The following SUMF1 variants were observed in gnomAD, a reference collection of about 807,000 sequenced individuals.
SUMF1 encodes formylglycine-generating enzyme.
Under a neutral mutation model 47.6 loss-of-function variants are expected in SUMF1, and 48 were observed. The ratio of observed to expected loss-of-function variants is 1.01; its 90% confidence interval spans 0.80 to 1.28. The LOEUF is 1.28. Ranked by LOEUF, SUMF1 falls within the 50% of genes most tolerant of loss-of-function variation. The pLI is 0.00. For synonymous variants in SUMF1, 230 were observed against 192.1 expected, an observed-to-expected ratio of 1.20 and a Z score of -1.63; for missense variants, 571 against 485.4, an observed-to-expected ratio of 1.18 and a Z score of -1.66.
intron 8 of SUMF1, among the ~76,000 whole-genome samples, chr3:4,121,436 G>T (rs1200187701): frequency 1.3e-5 from 2 of 151,990 alleles, no homozygotes; most frequent in African/African-American, 4.8e-5. Flanking sequence ...TATGTTTTTA[G>T]CAAGGCTACC....
intron 8 of SUMF1, among the ~76,000 whole-genome samples, chr3:4,375,246 G>C (rs1700291619): frequency 6.6e-6 from 1 of 151,196 alleles, no homozygotes. Context: ...ACTTCAACCT[G>C]AATCACTGGA....
chr3:4,369,287 TAAAG>T (rs1457329626), intron 8 of SUMF1, among the ~76,000 whole-genome samples: 7 of 152,218 alleles, frequency 4.6e-5, no homozygotes, highest in Non-Finnish European at 1.0e-4. Flanking sequence ...AAGATGAATT[TAAAG>T]TGTGCTTGAA....
intron 1 of SUMF1, among the ~76,000 whole-genome samples, chr3:4,466,412 A>T (rs145846585): frequency 3.8e-4 from 58 of 152,278 alleles, no homozygotes; most frequent in African/African-American, 1.3e-3. Context: ...GCGCCCGGCC[A>T]GTAAGTTATT....
chr3:4,282,462 T>C (rs913039455), intron 8 of SUMF1, among the ~76,000 whole-genome samples: 5 of 152,202 alleles, frequency 3.3e-5, no homozygotes, highest in Non-Finnish European at 4.4e-5. Context: ...ACACATACCT[T>C]CTACAATTTC....
intron 3 of SUMF1, among the ~76,000 whole-genome samples, chr3:4,441,950 C>G (rs931075762): frequency 3.3e-5 from 5 of 152,154 alleles, no homozygotes; most frequent in Non-Finnish European, 7.3e-5. Context: ...ATCCATGTGA[C>G]AAAGTATCCT....
In SUMF1 at chr3:4,068,064, A is replaced by G. The variant is rs181603031; in HGVS notation, c.1191+505T>C. Among the ~76,000 whole-genome samples the G allele has an allele frequency of 3.0e-3, 459 of 152,304 alleles. 6 individuals are homozygous for G. The highest frequency in any genetic ancestry group is 0.014 in the Middle Eastern group (4 of 294). On this transcript the variant is annotated intron_variant and NMD_transcript_variant, in intron 9 of 12. Coordinates refer to the SUMF1 transcript ENST00000448413. Reference sequence around the variant, plus strand: ...TGTTCTTCCCTAGGCCATTAGCACCACATGGAGGAAGAGAAAGCCTCTGGG... The same window carrying G: ...TGTTCTTCCCTAGGCCATTAGCACCGCATGGAGGAAGAGAAAGCCTCTGGG...
chr3:4,141,712 C>T (rs79205252), intron 8 of SUMF1, among the ~76,000 whole-genome samples: 9,233 of 152,142 alleles, frequency 0.061, 601 homozygotes, highest in African/African-American at 0.16. Context: ...ATAGCTATTG[C>T]ACTTTTATGG....
At chr3:4,274,671 CT>C (rs1418220134) in intron 8 of SUMF1, among the ~76,000 whole-genome samples, 1 of 152,184 alleles carries the variant, frequency 6.6e-6, no homozygotes, top group African/African-American at 2.4e-5. Flanking sequence ...GAATATCCCA[CT>C]GTAAAACATC....
chr3:4,113,412 C>G (rs1693354175), intron 8 of SUMF1, among the ~76,000 whole-genome samples: 1 of 151,682 alleles, frequency 6.6e-6, no homozygotes, highest in Non-Finnish European at 1.5e-5. Context: ...ACCTGTAGTC[C>G]CAGCTATGTG....
chr3:4,341,243 A>C (rs971196819), intron 8 of SUMF1, among the ~76,000 whole-genome samples: 1 of 151,078 alleles, frequency 6.6e-6, no homozygotes, highest in African/African-American at 2.4e-5. Flanking sequence ...TTAAAAAAAA[A>C]GAAAAAGAAA....
intron 8 of SUMF1, among the ~76,000 whole-genome samples, chr3:4,249,659 A>C (rs13082951): frequency 0.36 from 54,925 of 151,962 alleles, 10,797 homozygotes; most frequent in Non-Finnish European, 0.45. Flanking sequence ...AATTATGCCA[A>C]CTAATAACCC....
At chr3:4,441,370 G>A (rs148982682) in intron 3 of SUMF1, among the ~76,000 whole-genome samples, 1 of 152,172 alleles carries the variant, frequency 6.6e-6, no homozygotes, top group African/African-American at 2.4e-5. Flanking sequence ...TCTACATTAT[G>A]GTGAGTTGTA....
chr3:4,215,603 C>T (rs1430652490), intron 8 of SUMF1, among the ~76,000 whole-genome samples: 8 of 152,096 alleles, frequency 5.3e-5, no homozygotes, highest in Non-Finnish European at 1.0e-4. Flanking sequence ...GAAGTCAAAT[C>T]GTCTCTGTTT....
intron 8 of SUMF1, among the ~76,000 whole-genome samples, chr3:4,255,960 G>C (rs313655): frequency 0.59 from 71,300 of 119,908 alleles, 22,347 homozygotes; most frequent in African/African-American, 0.76. Flanking sequence ...GATTAAGAAT[G>C]TCACTCAAAG....
intron 8 of SUMF1, among the ~76,000 whole-genome samples, chr3:4,092,256 T>C (rs751302045): frequency 3.9e-5 from 6 of 152,088 alleles, no homozygotes; most frequent in Non-Finnish European, 5.9e-5. Context: ...CTGAAGCCCC[T>C]GTCCAAAGGA....
chr3:4,312,964 T>C (rs781044064), intron 8 of SUMF1: 1 of 1,613,998 alleles, frequency 6.2e-7, no homozygotes, highest in Non-Finnish European at 8.5e-7. Flanking sequence ...CTTTCCCGGA[T>C]GCATTTGTGT....
intron 8 of SUMF1, among the ~76,000 whole-genome samples, chr3:4,340,613 G>T (rs1432718772): frequency 6.6e-6 from 1 of 152,186 alleles, no homozygotes; most frequent in Non-Finnish European, 1.5e-5. Context: ...TAGTCCAGGG[G>T]AGAGTTAATA....
At chr3:4,442,774 A>T (rs1702648361) in intron 3 of SUMF1, among the ~76,000 whole-genome samples, 1 of 152,124 alleles carries the variant, frequency 6.6e-6, no homozygotes, top group African/African-American at 2.4e-5. Context: ...CAGTGAAGTT[A>T]CAAAGCTACC....
intron 3 of SUMF1, among the ~76,000 whole-genome samples, chr3:4,428,669 T>C (rs559267078): frequency 3.9e-5 from 6 of 152,218 alleles, no homozygotes; most frequent in Non-Finnish European, 8.8e-5. Context: ...CCATTTTTAA[T>C]GTCTGAAACG....
Sources: allele counts gnomAD v4.1 joint callset (sites outside exome capture counted in the v4.1 genomes callset), GRCh38; gene constraint gnomAD v4.1.1; transcripts MANE v1.5; gene names NCBI Gene and HGNC (gene_info 2026-07-23, HGNC 2026-07-21).